The following RAB38 variants were observed in gnomAD, a reference collection of about 807,000 sequenced individuals.
RAB38 encodes RAB38, member RAS oncogene family, also known as ras-related protein Rab-38.
A neutral mutation model predicts 18.4 loss-of-function variants in RAB38; 15 were observed. The observed-to-expected ratio is 0.82, with a 90% confidence interval of 0.55 to 1.26. The LOEUF (loss-of-function observed/expected upper bound fraction) is 1.26. Among genes scored for constraint, RAB38 ranks in the 50% most tolerant of loss-of-function variants. RAB38 has a pLI of 0.00. For missense variants in RAB38, 294 were observed against 267.4 expected (o/e 1.10, Z -0.69); for synonymous variants, 101 against 104.4 (o/e 0.97, Z 0.20).
intron 1 of RAB38, among the ~76,000 whole-genome samples, chr11:88,152,953 T>A (rs186079963): frequency 1.2e-3 from 185 of 152,344 alleles, no homozygotes; most frequent in African/African-American, 4.3e-3. Flanking sequence ...TCCACATAGG[T>A]CCCCAATGCT....
chr11:88,089,339 C>T, the RAB38 span, among the ~76,000 whole-genome samples: 2 of 150,942 alleles, frequency 1.3e-5, no homozygotes, highest in Admixed American at 6.6e-5. Flanking sequence ...CTAGTGTAAA[C>T]TTTATAGGCT....
the RAB38 span, among the ~76,000 whole-genome samples, chr11:88,014,913 T>C: frequency 2.6e-5 from 4 of 151,996 alleles, no homozygotes; most frequent in East Asian, 5.8e-4. Flanking sequence ...AAGACAGATA[T>C]GGATGTGGCA....
chr11:88,012,810 G>C, the RAB38 span, among the ~76,000 whole-genome samples: 11 of 152,058 alleles, frequency 7.2e-5, no homozygotes, highest in African/African-American at 2.4e-4. Context: ...CAAATAAGCC[G>C]AATCTGATAA....
intron 2 of RAB38, among the ~76,000 whole-genome samples, chr11:88,136,729 A>C (rs1942840508): frequency 6.6e-6 from 1 of 152,222 alleles, no homozygotes; most frequent in South Asian, 2.1e-4. Context: ...GAGTGTATAG[A>C]GGGAGATATG....
chr11:87,943,647 TAGGGGATTTGGGAGAGGCCTGTGAA>T, the RAB38 span, among the ~76,000 whole-genome samples: 1 of 152,220 alleles, frequency 6.6e-6, no homozygotes, highest in East Asian at 1.9e-4. Context: ...TCACCATACT[TAGGGGATTTGGGAGAGGCCTGTGAA>T]AGGGTAAATG....
At chr11:87,929,964 T>C in the RAB38 span, among the ~76,000 whole-genome samples, 17 of 152,140 alleles carry the variant, frequency 1.1e-4, no homozygotes, top group Non-Finnish European at 2.2e-4. Context: ...CAGTCTATCA[T>C]TGTTGGACAT....
chr11:87,822,079 T>C, the RAB38 span, among the ~76,000 whole-genome samples: 6 of 151,346 alleles, frequency 4.0e-5, no homozygotes, highest in Non-Finnish European at 8.8e-5. Flanking sequence ...TAAAACACAT[T>C]ACTTCCAAAT....
chr11:87,884,364 A>C, the RAB38 span, among the ~76,000 whole-genome samples: 43 of 152,106 alleles, frequency 2.8e-4, no homozygotes, highest in African/African-American at 1.0e-3. Context: ...AGTGGGGCAA[A>C]TTAACAAAGG....
the RAB38 span, chr11:88,060,184 T>C: frequency 4.6e-5 from 7 of 152,214 alleles, no homozygotes; most frequent in African/African-American, 1.7e-4. Flanking sequence ...AGCACGTTTT[T>C]GATCAGAACT....
At chr11:88,088,772 G>A in the RAB38 span, among the ~76,000 whole-genome samples, 1 of 151,942 alleles carries the variant, frequency 6.6e-6, no homozygotes, top group Admixed American at 6.6e-5. Flanking sequence ...ATTATTTAAA[G>A]CAATGTGAGA....
chr11:88,164,497 G>A (rs151286564), intron 1 of RAB38, among the ~76,000 whole-genome samples: 106 of 152,100 alleles, frequency 7.0e-4, no homozygotes, highest in African/African-American at 2.5e-3. Flanking sequence ...AGGAAATGAC[G>A]GTGGTATGGT....
chr11:87,897,297 T>C, the RAB38 span, among the ~76,000 whole-genome samples: 1 of 151,582 alleles, frequency 6.6e-6, no homozygotes, highest in Admixed American at 6.6e-5. Context: ...TTTATTAACA[T>C]TCCTATTTGA....
At chr11:87,943,508 A>G in the RAB38 span, among the ~76,000 whole-genome samples, 1 of 152,112 alleles carries the variant, frequency 6.6e-6, no homozygotes, top group Non-Finnish European at 1.5e-5. Flanking sequence ...GTGCAAAGCT[A>G]TGAGAAACAA....
the RAB38 span, among the ~76,000 whole-genome samples, chr11:87,819,192 T>C: frequency 2.0e-5 from 3 of 152,350 alleles, no homozygotes; most frequent in East Asian, 5.8e-4. Context: ...AATGCCTTTT[T>C]GAATTTTGGT....
chr11:87,955,753 C>A, the RAB38 span, among the ~76,000 whole-genome samples: 2,511 of 151,956 alleles, frequency 0.017, 82 homozygotes, highest in African/African-American at 0.057. Flanking sequence ...CCCTGTCATC[C>A]GAAAGTGAAT....
At chr11:87,977,490 A>G in the RAB38 span, among the ~76,000 whole-genome samples, 1 of 77,126 alleles carries the variant, frequency 1.3e-5, no homozygotes, top group Non-Finnish European at 2.5e-5. Flanking sequence ...AATTATATAT[A>G]ATATAATTTT....
chr11:87,967,872 CG>C, the RAB38 span, among the ~76,000 whole-genome samples: 1 of 152,020 alleles, frequency 6.6e-6, no homozygotes, highest in East Asian at 1.9e-4. Flanking sequence ...AAATGCCCTG[CG>C]GTGGGTAGGA....
the RAB38 span, among the ~76,000 whole-genome samples, chr11:88,099,432 G>A: frequency 2.0e-5 from 3 of 151,680 alleles, no homozygotes; most frequent in East Asian, 3.9e-4. Context: ...GTGACACTCC[G>A]AAAATCAAAA....
chr11:88,124,957 T>G lies in RAB38; in HGVS notation c.484-10817A>C, dbSNP rs540460222. ...CTACGCAATAAGTTATGTGACTGTCTTGTTAGTCCAGGGCTCTTCAACTTA... is the reference window on the plus strand; with the variant it reads ...CTACGCAATAAGTTATGTGACTGTCGTGTTAGTCCAGGGCTCTTCAACTTA... On this transcript the variant is annotated intron_variant, in intron 2 of 2. Transcript: ENST00000243662. Among the ~76,000 whole-genome samples the G allele has an allele frequency of 4.6e-5, 7 of 152,340 alleles. No homozygotes were observed. The South Asian group carries it at 1.2e-3, about 27-fold the overall frequency.
Sources: allele counts gnomAD v4.1 joint callset (sites outside exome capture counted in the v4.1 genomes callset), GRCh38; gene constraint gnomAD v4.1.1; transcripts MANE v1.5; gene names NCBI Gene and HGNC (gene_info 2026-07-23, HGNC 2026-07-21).